Variants in SPOCK3 observed in about 807,000 individuals in gnomAD.
SPOCK3 encodes SPARC (osteonectin), cwcv and kazal like domains proteoglycan 3.
In SPOCK3, 30 loss-of-function variants were observed where a neutral mutation model predicts 56.6. The ratio of observed to expected loss-of-function variants is 0.53; its 90% CI spans 0.40 to 0.72. The LOEUF is 0.72. Among genes scored for constraint, SPOCK3 ranks in the 30% least tolerant of loss-of-function variants. The probability of loss-of-function intolerance (pLI) is 0.00; values close to 1 mark genes in which losing one functional copy is unlikely to be tolerated. For synonymous variants in SPOCK3, 196 were observed against 183.3 expected (o/e 1.07, Z -0.56); for missense variants, 527 against 530.0 (o/e 0.99, Z 0.06).
intron 2 of SPOCK3, among the ~76,000 whole-genome samples, chr4:167,063,990 T>C (rs1021348621): frequency 2.6e-5 from 4 of 151,930 alleles, no homozygotes; most frequent in African/African-American, 7.2e-5. Context: ...ATCAGTTTTA[T>C]ATAATGACTT....
chr4:167,183,242 C>G (rs1218834055), intron 2 of SPOCK3, among the ~76,000 whole-genome samples: 1 of 152,164 alleles, frequency 6.6e-6, no homozygotes, highest in African/African-American at 2.4e-5. Context: ...CTGCAGACAT[C>G]TGAAGGATAA....
intron 3 of SPOCK3, among the ~76,000 whole-genome samples, chr4:167,005,741 T>C (rs1749402184): frequency 6.6e-6 from 1 of 152,148 alleles, no homozygotes; most frequent in Admixed American, 6.5e-5. Context: ...CCTCTGATAA[T>C]TGAAAGGTCT....
intron 6 of SPOCK3, among the ~76,000 whole-genome samples, chr4:166,794,523 T>C (rs1741696693): frequency 6.6e-6 from 1 of 152,106 alleles, no homozygotes; most frequent in Admixed American, 6.5e-5. Context: ...ATGTACTATA[T>C]AGCTGTATTA....
At chr4:166,903,612 C>A (rs1332362032) in intron 5 of SPOCK3, among the ~76,000 whole-genome samples, 1 of 151,950 alleles carries the variant, frequency 6.6e-6, no homozygotes, top group African/African-American at 2.4e-5. Flanking sequence ...CTTTCACAGG[C>A]CATTAATCTT....
Position 166,889,195 on chromosome 4 carries a change from T to A in SPOCK3, c.524A>T (p.Lys175Ile). The change falls in exon 6 of 11, where the codon AAA (lysine) becomes ATA (isoleucine). Residue 175 changes from lysine to isoleucine, a missense_variant. Physicochemically the swap from Lys to Ile is moderately radical, Grantham distance 102. Transcript: ENST00000357545. ...ACVLGKQISV[K>I]CEGHCPCPSD... ...AGGACATGGGCAATGTCCTTCACATTTGACTGAGATCTGTTTTCCTAAGAC... is the reference window on the plus strand; with the variant it reads ...AGGACATGGGCAATGTCCTTCACATATGACTGAGATCTGTTTTCCTAAGAC... 1 of 1,612,444 alleles carries A rather than the reference T, an allele frequency of 6.2e-7. No individual in the cohort carries two copies. Among genetic ancestry groups the A allele is most frequent in the Non-Finnish European group, 8.5e-7 (1 of 1,178,880 alleles).
At chr4:167,169,580 C>T (rs1243431870) in intron 2 of SPOCK3, among the ~76,000 whole-genome samples, 1 of 152,064 alleles carries the variant, frequency 6.6e-6, no homozygotes, top group East Asian at 1.9e-4. Context: ...ATTTTACAGG[C>T]TATTAGGAGG....
chr4:167,116,624 C>CGT (rs1355473578), intron 2 of SPOCK3, among the ~76,000 whole-genome samples: 2,460 of 127,068 alleles, frequency 0.019, 122 homozygotes, highest in African/African-American at 0.059. Flanking sequence ...TATATATATA[C>CGT]ATATATACTA....
intron 2 of SPOCK3, among the ~76,000 whole-genome samples, chr4:167,146,848 A>G (rs976573635): frequency 1.3e-5 from 2 of 152,164 alleles, no homozygotes; most frequent in Admixed American, 1.3e-4. Context: ...AATGCCCACA[A>G]GAGAAAGCAG....
intron 3 of SPOCK3, among the ~76,000 whole-genome samples, chr4:167,058,842 C>T (rs778916054): frequency 1.2e-4 from 18 of 152,050 alleles, no homozygotes; most frequent in African/African-American, 2.9e-4. Context: ...TCAGAAATAA[C>T]GCCATGTATC....
chr4:167,203,080 C>A (rs1326625288), intron 2 of SPOCK3, among the ~76,000 whole-genome samples: 1 of 151,888 alleles, frequency 6.6e-6, no homozygotes, highest in Non-Finnish European at 1.5e-5. Context: ...TAGATGAAGT[C>A]ATGACTTGAC....
intron 9 of SPOCK3, among the ~76,000 whole-genome samples, chr4:166,741,575 AC>A (rs1373978327): frequency 5.3e-5 from 8 of 152,286 alleles, no homozygotes; most frequent in African/African-American, 1.7e-4. Context: ...AATGAAAAAT[AC>A]CAACAAGTCT....
At chr4:166,738,066 ATG>A (rs1277281859) in intron 9 of SPOCK3, among the ~76,000 whole-genome samples, 1 of 152,126 alleles carries the variant, frequency 6.6e-6, no homozygotes. Context: ...AAATCAAGCT[ATG>A]TGTTTTTCCC....
chr4:166,982,795 T>C (rs1746728569), intron 4 of SPOCK3, among the ~76,000 whole-genome samples: 1 of 152,192 alleles, frequency 6.6e-6, no homozygotes, highest in Non-Finnish European at 1.5e-5. Flanking sequence ...AAGCCATATT[T>C]ATTTTTAGAC....
chr4:166,868,828 G>A (rs576632138), intron 6 of SPOCK3, among the ~76,000 whole-genome samples: 10 of 152,074 alleles, frequency 6.6e-5, no homozygotes, highest in African/African-American at 1.7e-4. Context: ...TAAATTAAAC[G>A]GAATGGTCTC....
chr4:166,913,374 C>T (rs1430933141), intron 4 of SPOCK3, among the ~76,000 whole-genome samples: 1 of 152,004 alleles, frequency 6.6e-6, no homozygotes, highest in Non-Finnish European at 1.5e-5. Flanking sequence ...TGTTTGTTTC[C>T]CCACTTTGGT....
intron 2 of SPOCK3, among the ~76,000 whole-genome samples, chr4:167,102,887 C>T (rs1164863249): frequency 7.8e-6 from 1 of 127,568 alleles, no homozygotes; most frequent in Non-Finnish European, 1.5e-5. Context: ...AGTGTTTGTA[C>T]TGCCCCTCCC....
chr4:167,164,832 T>A (rs1276440100), intron 2 of SPOCK3, among the ~76,000 whole-genome samples: 1 of 152,180 alleles, frequency 6.6e-6, no homozygotes, highest in Non-Finnish European at 1.5e-5. Context: ...CTGTATCCAG[T>A]CTATCATTGA....
chr4:166,737,720 G>GC, intron 9 of SPOCK3, 116 bp from the exon 10 acceptor site: 2 of 1,128,590 alleles, frequency 1.8e-6, no homozygotes, highest in South Asian at 1.7e-5. Flanking sequence ...CACATATGGA[G>GC]TGTCCACTGT....
At chr4:166,927,706 TGAAA>T (rs1435536603) in intron 4 of SPOCK3, among the ~76,000 whole-genome samples, 2 of 152,052 alleles carry the variant, frequency 1.3e-5, no homozygotes, top group African/African-American at 4.8e-5. Context: ...GTATGATCCA[TGAAA>T]GAAAGAATTG....
Sources: allele counts gnomAD v4.1 joint callset (sites outside exome capture counted in the v4.1 genomes callset), GRCh38; gene constraint gnomAD v4.1.1; transcripts MANE v1.5; gene names NCBI Gene and HGNC (gene_info 2026-07-23, HGNC 2026-07-21).